The following SYNE1 variants were observed in gnomAD, a reference collection of about 807,000 sequenced individuals.
SYNE1 encodes the protein spectrin repeat containing nuclear envelope protein 1.
Under a neutral mutation model 1,111.0 loss-of-function variants are expected in SYNE1, and 616 were observed. That is an observed-to-expected ratio of 0.55 (90% CI 0.52 to 0.59). SYNE1 has a LOEUF of 0.59. Among genes scored for constraint, SYNE1 ranks in the 20% least tolerant of loss-of-function variants. The probability of loss-of-function intolerance (pLI) is 0.00; values close to 1 mark genes in which losing one functional copy is unlikely to be tolerated. For missense variants in SYNE1, 10,006 were observed against 10,417.0 expected, an observed-to-expected ratio of 0.96 and a Z score of 1.72; for synonymous variants, 3,855 against 3,825.8, an observed-to-expected ratio of 1.01 and a Z score of -0.28.
intron 68 of SYNE1, 57 bp downstream of exon 68, chr6:152,353,532 G>T: frequency 6.2e-7 from 1 of 1,613,880 alleles, no homozygotes; most frequent in Admixed American, 1.7e-5. Context: ...TGAAAGGAAG[G>T]CTATTTTGGC....
At chr6:152,358,810 T>C (rs537306455) in intron 65 of SYNE1, among the ~76,000 whole-genome samples, 2 of 152,366 alleles carry the variant, frequency 1.3e-5, no homozygotes, top group African/African-American at 4.8e-5. Context: ...GAATTCACTT[T>C]ACTAATTTCA....
At chr6:152,425,299 C>T in intron 39 of SYNE1, 82 bp downstream of exon 39, 3 of 1,482,676 alleles carry the variant, frequency 2.0e-6, no homozygotes, top group Non-Finnish European at 1.9e-6. Flanking sequence ...TAAAAGTAAA[C>T]AAAACTATGC....
chr6:152,180,798 G>A (rs2067792994), intron 128 of SYNE1, among the ~76,000 whole-genome samples: 1 of 152,184 alleles, frequency 6.6e-6, no homozygotes, highest in Admixed American at 6.5e-5. Context: ...GAAGCGGGCA[G>A]CATCCAAGCG....
At position 152,308,567 on chromosome 6, in the gene SYNE1, T is replaced by A. The variant is rs2095449768; in HGVS notation, c.17268A>T (p.Gly5756=). 3 of 1,613,844 alleles carry A rather than the reference T, an allele frequency of 1.9e-6. No homozygotes were observed. The highest frequency in any genetic ancestry group is 2.5e-6 in the Non-Finnish European group (3 of 1,180,024). Residue 5756 remains glycine (G), a synonymous_variant, in exon 91 of 146, where the codon GGA becomes GGT. Coordinates refer to ENST00000367255, the MANE Select transcript of SYNE1 (RefSeq NM_182961.4). ...EMKHLQQLIE[G]AHREIEDKPV... ...GTTTATCCTCAATCTCTCTGTGAGC[T>A]CCTTCTATCAGTTGCTGGAGATGTT...
intron 130 of SYNE1, chr6:152,167,903 T>TGC: frequency 1.3e-6 from 1 of 753,876 alleles, no homozygotes; most frequent in Non-Finnish European, 2.5e-6. Flanking sequence ...TTAACCTTTT[T>TGC]GTCCAGCTCT....
chr6:152,623,266 A>C (rs1483381313), intron 3 of SYNE1, among the ~76,000 whole-genome samples: 1 of 152,182 alleles, frequency 6.6e-6, no homozygotes, highest in Non-Finnish European at 1.5e-5. Context: ...TTACTATTCA[A>C]TAAATGGTGC....
chr6:152,398,617 A>AC lies in SYNE1; in HGVS notation c.7350+1dup. 1 of 1,612,676 alleles carries AC rather than the reference A, an allele frequency of 6.2e-7. No homozygotes were observed. Among genetic ancestry groups the AC allele is most frequent in the Non-Finnish European group, 8.5e-7 (1 of 1,178,732 alleles). On this transcript the variant is annotated splice_donor_variant, in intron 49 of 145. Transcript: ENST00000367255. LOFTEE classifies it high-confidence loss of function. ...GAAGGAAAAGGATGTCAGCTTCTAT[A>AC]CCTGAAGATCATGGAGCTTTGCTTC...
intron 76 of SYNE1, chr6:152,335,740 A>T (rs1234713207): frequency 2.6e-5 from 4 of 152,052 alleles, no homozygotes; most frequent in African/African-American, 7.2e-5. Context: ...CCCAGGCTGG[A>T]GTGCAGTGGC....
chr6:152,362,643 G>A (rs1401779911), intron 63 of SYNE1, among the ~76,000 whole-genome samples: 1 of 152,114 alleles, frequency 6.6e-6, no homozygotes, highest in African/African-American at 2.4e-5. Context: ...CCCCTGAGTG[G>A]GTCTTTTCTG....
chr6:152,321,238 C>T lies in SYNE1; in HGVS notation c.16236G>A (p.Gln5412=). ...CACTCTTTCTTGATCATAGGTTTAC[C>T]TGATCTCGGATCTTTAGATCTAACG... is the stretch of plus-strand genomic sequence containing the variant. ...EVALDLKIRD[Q]IQDKIKEVEQ... is the part of the protein sequence containing the mutation. The change falls in exon 84 of 146, where the codon CAG becomes CAA. Residue 5412 remains glutamine (Q), a splice_region_variant and synonymous_variant. Transcript: ENST00000367255. The T allele has an allele frequency of 6.2e-7, 1 of 1,613,540 alleles. No homozygotes were observed. Among genetic ancestry groups the T allele is most frequent in the Non-Finnish European group, 8.5e-7 (1 of 1,179,790 alleles).
At chr6:152,181,215 C>A (rs1447250953) in intron 128 of SYNE1, among the ~76,000 whole-genome samples, 4 of 152,122 alleles carry the variant, frequency 2.6e-5, no homozygotes, top group African/African-American at 4.8e-5. Flanking sequence ...AGTTCGAAAC[C>A]TGCGTGGCCA....
intron 42 of SYNE1, among the ~76,000 whole-genome samples, chr6:152,411,091 G>T (rs2098028342): frequency 6.6e-6 from 1 of 152,116 alleles, no homozygotes; most frequent in Non-Finnish European, 1.5e-5. Flanking sequence ...CTTTGTACAT[G>T]ATGTAAAATA....
At position 152,401,125 on chromosome 6, in the gene SYNE1, G is replaced by C; in HGVS notation, c.7029+13C>G. ...ATTTGAATGGAAGCACTTAATGATAGTTTATTACCTACCTTGACTTTTTTC... is the reference window on the plus strand; with the variant it reads ...ATTTGAATGGAAGCACTTAATGATACTTTATTACCTACCTTGACTTTTTTC... On this transcript the variant is annotated intron_variant, in intron 47 of 145. Coordinates refer to ENST00000367255, the MANE Select transcript of SYNE1 (RefSeq NM_182961.4). 6.2e-7 allele frequency: 1 copy of C among 1,612,932 alleles called. No individual in the cohort carries two copies. Among genetic ancestry groups the C allele is most frequent in the Non-Finnish European group, 8.5e-7 (1 of 1,179,200 alleles).
At chr6:152,481,415 T>C in intron 14 of SYNE1, 1 of 284,954 alleles carries the variant, frequency 3.5e-6, no homozygotes, top group South Asian at 3.5e-5. Flanking sequence ...AATTCTAAGT[T>C]GACTTCTTTA....
intron 4 of SYNE1, among the ~76,000 whole-genome samples, chr6:152,536,504 T>A (rs1470245871): frequency 6.9e-6 from 1 of 144,052 alleles, no homozygotes; most frequent in African/African-American, 2.6e-5. Context: ...TGTACTAACA[T>A]CCTTACCTCT....
intron 97 of SYNE1, among the ~76,000 whole-genome samples, chr6:152,281,317 G>A (rs1589275392): frequency 6.6e-6 from 1 of 152,290 alleles, no homozygotes; most frequent in East Asian, 1.9e-4. Context: ...AACATAGGTG[G>A]AAAACACATT....
At chr6:152,577,446 C>T (rs2099501333) in intron 3 of SYNE1, among the ~76,000 whole-genome samples, 1 of 152,120 alleles carries the variant, frequency 6.6e-6, no homozygotes, top group African/African-American at 2.4e-5. Flanking sequence ...TTCTGGCTAA[C>T]ACAGTGAAAC....
intron 95 of SYNE1, 21 bp downstream of exon 95, chr6:152,293,567 T>C (rs2094714070): frequency 1.2e-6 from 2 of 1,613,628 alleles, no homozygotes; most frequent in Non-Finnish European, 1.7e-6. Context: ...AGTAGGAAAC[T>C]GAAGTCATGG....
chr6:152,463,330 G>A, intron 19 of SYNE1, 23 bp downstream of exon 19: 1 of 1,613,442 alleles, frequency 6.2e-7, no homozygotes, highest in Non-Finnish European at 8.5e-7. Flanking sequence ...ACGTTGAGGT[G>A]TATATAGACT....
Sources: gnomAD v4.1 joint callset for allele counts (sites outside exome capture counted in the v4.1 genomes callset) on GRCh38, gnomAD v4.1.1 for gene constraint, MANE v1.5 for transcripts, NCBI Gene and HGNC (gene_info 2026-07-23, HGNC 2026-07-21) for gene names.